The following PIGZ variants were observed in gnomAD, a reference collection of about 807,000 sequenced individuals.
The protein encoded by PIGZ is phosphatidylinositol glycan anchor biosynthesis class Z (Gwada blood group), also known as GPI alpha-1,2-mannosyltransferase 4.
In PIGZ, 16 loss-of-function variants were observed where a neutral mutation model predicts 16.4. The observed-to-expected ratio is 0.97, with a 90% CI of 0.66 to 1.48. The LOEUF (loss-of-function observed/expected upper bound fraction) is 1.48, where lower values mean the gene tolerates loss of function less well. Among genes scored for constraint, PIGZ ranks in the 40% most tolerant of loss-of-function variants. The pLI is 0.00. For synonymous variants in PIGZ, 409 were observed against 338.4 expected (o/e 1.21, Z -2.29); for missense variants, 770 against 739.2 (o/e 1.04, Z -0.48).
At position 196,965,419 on chromosome 3, in the gene PIGZ, G is replaced by A. The variant is rs1717887706; in HGVS notation, c.-1+3268C>T. ...CCCCATGATCCGATCCTCTCCCACC[G>A]GGTCTTTCCCTCAACACTTGGGGAT... On this transcript the variant is annotated intron_variant, in intron 1 of 2. Coordinates refer to ENST00000412723, the MANE Select transcript of PIGZ (RefSeq NM_025163.4). This position sits in a 1 kb window ranked among gnomAD's most constrained non-coding sequence, Gnocchi z 4.2. Among the ~76,000 whole-genome samples the A allele has an allele frequency of 6.6e-6, 1 of 152,100 alleles. No homozygotes were observed. The highest frequency in any genetic ancestry group is 2.1e-4 in the South Asian group (1 of 4,828).
intron 1 of PIGZ, among the ~76,000 whole-genome samples, chr3:196,968,128 C>G (rs917662897): frequency 5.9e-5 from 9 of 152,180 alleles, no homozygotes; most frequent in Non-Finnish European, 1.0e-4. Context: ...TTGCTTTTTG[C>G]GCGCCCCCAT....
At chr3:196,957,211 A>G (rs1717524504) in intron 1 of PIGZ, among the ~76,000 whole-genome samples, 1 of 147,588 alleles carries the variant, frequency 6.8e-6, no homozygotes, top group African/African-American at 2.5e-5. Context: ...GTATGTGTTT[A>G]TCTTTTAGGA....
chr3:196,948,043 G>A lies in PIGZ; in HGVS notation c.854C>T (p.Thr285Ile). 1.3e-6 allele frequency: 2 copies of A among 1,592,552 alleles called. No homozygotes were observed. Among genetic ancestry groups the A allele is most frequent in the South Asian group, 1.1e-5 (1 of 88,388 alleles). Residue 285 changes from threonine (T) to isoleucine (I), a missense_variant, in exon 3 of 3, where the codon ACA (threonine) becomes ATA (isoleucine). Physicochemically the swap from Thr to Ile is moderately conservative, Grantham distance 89 (BLOSUM62 -1). Transcript: ENST00000412723. ...AGGTGTCAGGACAAGGTTCCTGGAT[G>A]TAGCGGGGCTGGAGAAATACCAGCT... ...TDSWYFSSPA[T>I]SRNLVLTPVN...
At position 196,947,908 on chromosome 3, in the gene PIGZ, T is replaced by C. The variant is rs922537055; in HGVS notation, c.989A>G (p.His330Arg). The C allele has an allele frequency of 8.1e-6, 13 of 1,613,876 alleles. No individual in the cohort carries two copies. Among genetic ancestry groups the C allele is most frequent in the Non-Finnish European group, 1.1e-5 (13 of 1,179,960 alleles). Residue 330 changes from histidine to arginine, a missense_variant, in exon 3 of 3, where the codon CAT becomes CGT. Transcript: ENST00000412723. ...CCACGCAGCCTGCAGGGCCTGGGCA[T>C]GCAGCACCCCGAAGAGCAGGAAGCC... The part of the protein sequence containing the change: ...VNGFLLFGVL[H>R]AQALQAAWQR...
chr3:196,964,090 G>T (rs748659370), intron 1 of PIGZ, among the ~76,000 whole-genome samples: 2 of 150,640 alleles, frequency 1.3e-5, no homozygotes, highest in Admixed American at 6.6e-5. Context: ...TCACTCTGTC[G>T]CCCAGGCTGG....
intron 1 of PIGZ, among the ~76,000 whole-genome samples, chr3:196,962,727 G>A (rs1411221065): frequency 2.6e-5 from 4 of 151,310 alleles, no homozygotes; most frequent in South Asian, 2.1e-4. Context: ...TCTAGCCTAC[G>A]TGCACATTCA....
chr3:196,961,227 T>C (rs926369602), intron 1 of PIGZ, among the ~76,000 whole-genome samples: 19 of 152,256 alleles, frequency 1.2e-4, no homozygotes, highest in African/African-American at 4.3e-4. Context: ...CCAGTGCTGG[T>C]CTCCTGAGTC....
chr3:196,956,179 A>G (rs1203666186), intron 1 of PIGZ, among the ~76,000 whole-genome samples: 1 of 152,144 alleles, frequency 6.6e-6, no homozygotes, highest in Non-Finnish European at 1.5e-5. Flanking sequence ...CCTGTGGATT[A>G]GGACCCTTTG....
At chr3:196,952,285 T>C (rs1422372558) in intron 1 of PIGZ, among the ~76,000 whole-genome samples, 1 of 152,214 alleles carries the variant, frequency 6.6e-6, no homozygotes, top group Non-Finnish European at 1.5e-5. Context: ...AGTAACTTGG[T>C]TACTTGCTGA....
intron 1 of PIGZ, among the ~76,000 whole-genome samples, chr3:196,953,859 G>A (rs6780708): frequency 0.35 from 52,615 of 149,860 alleles, 10,096 homozygotes; most frequent in East Asian, 0.84. Flanking sequence ...TGGACACAGT[G>A]GTGTGTGCTG....
At chr3:196,956,561 G>C (rs1426710762) in intron 1 of PIGZ, among the ~76,000 whole-genome samples, 1 of 152,216 alleles carries the variant, frequency 6.6e-6, no homozygotes, top group Non-Finnish European at 1.5e-5. Context: ...TATAATTCAA[G>C]ATGAGATTTG....
Position 196,947,363 on chromosome 3 carries a change from C to A in PIGZ, c.1534G>T (p.Gly512Cys), listed in dbSNP as rs148597790. The A allele has an allele frequency of 2.5e-6, 4 of 1,614,096 alleles. No individual in the cohort carries two copies. Among genetic ancestry groups the A allele is most frequent in the Non-Finnish European group, 3.4e-6 (4 of 1,180,054 alleles). ...FTRQPACQVA[G>C]GPWLCRLFVV... ...AAGAGGCGGCAGAGCCATGGCCCAC[C>A]AGCCACTTGGCAGGCTGGTTGTCTG... The change falls in exon 3 of 3, where the codon GGT becomes TGT. Residue 512 changes from glycine to cysteine, a missense_variant. Coordinates refer to ENST00000412723, the MANE Select transcript of PIGZ (RefSeq NM_025163.4).
At chr3:196,959,158 C>T (rs1045012048) in intron 1 of PIGZ, among the ~76,000 whole-genome samples, 4 of 152,198 alleles carry the variant, frequency 2.6e-5, no homozygotes, top group Non-Finnish European at 2.9e-5. Context: ...ATGTGGCCTT[C>T]GATAGCATGG....
rs925936576 is a variant in PIGZ, at chr3:196,955,286, T to C, written c.1-3255A>G. On this transcript the variant is annotated intron_variant, in intron 1 of 2. Coordinates refer to ENST00000412723, the MANE Select transcript of PIGZ (RefSeq NM_025163.4). ...CTGCTTATTTTATCAATCACAGAAA[T>C]GTGTGTTGAACTAGCTCATGAAATA... Among the ~76,000 whole-genome samples, 8 of 152,368 alleles carry C rather than the reference T, an allele frequency of 5.3e-5. No individual in the cohort carries two copies. In the East Asian group the frequency reaches 1.2e-3, roughly 22 times the overall value.
chr3:196,947,733 C>G lies in PIGZ; in HGVS notation c.1164G>C (p.Glu388Asp). Residue 388 changes from glutamate (E) to aspartate (D), a missense_variant, in exon 3 of 3, where the codon GAG (glutamate) becomes GAC (aspartate). By Grantham distance (45) the Glu-to-Asp change is conservative. Transcript: ENST00000412723. The stretch of plus-strand genomic sequence containing the variant: ...CCAGGAGGGGAATCAGGAACCGAGC[C>G]TCCTGGTGGCTAAAGGCAGATAGCA... ...LALLSAFSHQEARFLIPLLVP... is the reference protein window; with the variant it reads ...LALLSAFSHQDARFLIPLLVP... 6.2e-7 allele frequency: 1 copy of G among 1,612,972 alleles called. No homozygotes were observed.
intron 2 of PIGZ, among the ~76,000 whole-genome samples, chr3:196,950,802 TG>T (rs1717249393): frequency 6.6e-6 from 1 of 151,004 alleles, no homozygotes; most frequent in Non-Finnish European, 1.5e-5. Flanking sequence ...TGAAGTGCAG[TG>T]GCACAATCTT....
In PIGZ at chr3:196,948,552, C is replaced by G. The variant is rs565415578; in HGVS notation, c.345G>C (p.Pro115=). Reference sequence around the variant, plus strand: ...CATAGCCGCTCACCAGGCCAGGCCACGGCCCCAGCTCCTCCCAGAGCCTGA... The same window carrying G: ...CATAGCCGCTCACCAGGCCAGGCCAGGGCCCCAGCTCCTCCCAGAGCCTGA... ...WLLRLWEELG[P]WPGLVSGYAL... Residue 115 remains proline (P), a synonymous_variant, in exon 3 of 3, where the codon CCG becomes CCC. Transcript: ENST00000412723. 6.2e-7 allele frequency: 1 copy of G among 1,602,986 alleles called. No individual in the cohort carries two copies. The highest frequency in any genetic ancestry group is 1.1e-5 in the South Asian group (1 of 89,802).
intron 1 of PIGZ, among the ~76,000 whole-genome samples, chr3:196,955,576 C>CT (rs56983600): frequency 0.022 from 918 of 42,522 alleles, 7 homozygotes; most frequent in African/African-American, 0.023. Context: ...TTCTTTCTTT[C>CT]TTTTTTTTTT....
At chr3:196,967,009 G>A (rs1717955956) in intron 1 of PIGZ, among the ~76,000 whole-genome samples, 1 of 151,940 alleles carries the variant, frequency 6.6e-6, no homozygotes, top group South Asian at 2.1e-4. Context: ...CGCCGACAGG[G>A]GCATCCCGCG....
Sources: allele counts gnomAD v4.1 joint callset (sites outside exome capture counted in the v4.1 genomes callset), GRCh38; gene constraint gnomAD v4.1.1; non-coding constraint Gnocchi (gnomAD v3.1); transcripts MANE v1.5; gene names NCBI Gene and HGNC (gene_info 2026-07-23, HGNC 2026-07-21).